The following XRN2 variants were observed in gnomAD, a reference collection of about 807,000 sequenced individuals.
The protein encoded by XRN2 is 5'-3' exoribonuclease 2.
Under a neutral mutation model 138.5 loss-of-function variants are expected in XRN2, and 44 were observed. The ratio of observed to expected loss-of-function variants is 0.32; its 90% confidence interval spans 0.25 to 0.41. XRN2 has a LOEUF of 0.41. XRN2 is among the 10% of genes least tolerant of loss of function. The pLI is 1.00. For missense variants in XRN2, 937 were observed against 1,169.3 expected (o/e 0.80, Z 2.90); for synonymous variants, 354 against 369.4 (o/e 0.96, Z 0.48).
chr20:21,314,263 A>T (rs1467474201), intron 1 of XRN2, among the ~76,000 whole-genome samples: 2 of 152,168 alleles, frequency 1.3e-5, no homozygotes, highest in Non-Finnish European at 2.9e-5. Flanking sequence ...ATGTCGCAGT[A>T]CTTTATTATT....
chr20:21,382,670 C>T (rs754602594), intron 28 of XRN2, among the ~76,000 whole-genome samples: 26 of 152,114 alleles, frequency 1.7e-4, no homozygotes, highest in Non-Finnish European at 3.7e-4. Context: ...CTAATAAGTA[C>T]CATGGACTAG....
intron 24 of XRN2, among the ~76,000 whole-genome samples, chr20:21,359,913 A>G (rs982425088): frequency 1.3e-4 from 19 of 151,954 alleles, no homozygotes; most frequent in East Asian, 1.2e-3. Flanking sequence ...AAATACATCT[A>G]GTATCCCATT....
chr20:21,333,900 C>T (rs761197249), intron 11 of XRN2, 37 bp from the exon 12 acceptor site: 6 of 1,613,972 alleles, frequency 3.7e-6, no homozygotes, highest in African/African-American at 1.3e-5. Context: ...ACTGTGCCTA[C>T]TGGTCCTAAT....
chr20:21,331,643 A>G lies in XRN2; in HGVS notation c.649+10A>G, dbSNP rs776912916. 4 of 1,609,218 alleles carry G rather than the reference A, an allele frequency of 2.5e-6. No homozygotes were observed. The highest frequency in any genetic ancestry group is 1.3e-5 in the African/African-American group (1 of 74,768). ...ATTAGAAGGCAAAGAGGTAAAGCTT[A>G]CTTACCAATATTTGATTATATGTTC... On this transcript the variant is annotated intron_variant, in intron 7 of 29. Coordinates refer to ENST00000377191, the MANE Select transcript of XRN2 (RefSeq NM_012255.5).
At chr20:21,320,378 CA>C (rs2038022550) in intron 1 of XRN2, among the ~76,000 whole-genome samples, 1 of 150,968 alleles carries the variant, frequency 6.6e-6, no homozygotes, top group Admixed American at 6.6e-5. Context: ...CGGCTTACTG[CA>C]AGCTCCACCT....
intron 1 of XRN2, among the ~76,000 whole-genome samples, chr20:21,321,627 C>G (rs1376744405): frequency 6.6e-6 from 1 of 152,160 alleles, no homozygotes; most frequent in Non-Finnish European, 1.5e-5. Context: ...TCTACTTTCA[C>G]TGTTCTTGAG....
chr20:21,325,431 A>G lies in XRN2; in HGVS notation c.76-848A>G, dbSNP rs2038111040. 3.3e-5 allele frequency among the ~76,000 whole-genome samples: 5 copies of G among 152,362 alleles called. No individual in the cohort carries two copies. The South Asian group carries it at 1.0e-3, about 32-fold the overall frequency. ...ACTGTAAAACAGTGGAAGTGCTACA[A>G]GTGAATAAGCAAAATTATGAGGAAA... On this transcript the variant is annotated intron_variant, in intron 1 of 29. Transcript: ENST00000377191.
At position 21,366,326 on chromosome 20, in the gene XRN2, T is replaced by A. The variant is rs112978507; in HGVS notation, c.2456+622T>A. Among the ~76,000 whole-genome samples, 6 of 148,038 alleles carry A rather than the reference T, an allele frequency of 4.1e-5. 1 individual carries two copies. Among genetic ancestry groups the A allele is most frequent in the African/African-American group, 1.5e-4 (6 of 40,402 alleles). On this transcript the variant is annotated intron_variant, in intron 26 of 29. Coordinates refer to ENST00000377191, the MANE Select transcript of XRN2 (RefSeq NM_012255.5). ...ACTTTGGGAGGCTGAGGCAGGCAGA[T>A]CATGAGATCAGGAGATCAAGACCAT...
Position 21,348,160 on chromosome 20 carries a change from G to T in XRN2, c.1680G>T (p.Trp560Cys). Residue 560 changes from tryptophan to cysteine, a missense_variant, in exon 18 of 30, where the codon TGG (tryptophan) becomes TGT (cysteine). Physicochemically the swap from Trp to Cys is radical, Grantham distance 215. This residue lies in a region of XRN2 where 471 missense variants were observed against 581.2 expected (regional missense o/e 0.81). Transcript: ENST00000377191. ...LRYYYQGCASWKWYYPFHYAP... is the reference protein window; with the variant it reads ...LRYYYQGCASCKWYYPFHYAP... Reference sequence around the variant, plus strand: ...AATGATTCTAGGGCTGTGCTTCCTGGAAGTGGTATTATCCATTTCATTATG... The same window carrying T: ...AATGATTCTAGGGCTGTGCTTCCTGTAAGTGGTATTATCCATTTCATTATG... The T allele has an allele frequency of 1.9e-6, 3 of 1,610,812 alleles. No individual in the cohort carries two copies. Among genetic ancestry groups the T allele is most frequent in the Non-Finnish European group, 2.5e-6 (3 of 1,179,210 alleles).
At chr20:21,313,694 C>A (rs910270593) in intron 1 of XRN2, among the ~76,000 whole-genome samples, 10 of 152,142 alleles carry the variant, frequency 6.6e-5, no homozygotes, top group African/African-American at 2.4e-4. Flanking sequence ...GGTAATACTG[C>A]GTTGTAGTGT....
Position 21,335,777 on chromosome 20 carries a change from G to C in XRN2, c.1233+1592G>C, listed in dbSNP as rs563213109. Among the ~76,000 whole-genome samples the C allele has an allele frequency of 2.0e-5, 3 of 152,320 alleles. No homozygotes were observed. The South Asian group carries it at 6.2e-4, about 32-fold the overall frequency. On this transcript the variant is annotated intron_variant, in intron 13 of 29. Coordinates refer to ENST00000377191, the MANE Select transcript of XRN2 (RefSeq NM_012255.5). The stretch of plus-strand genomic sequence containing the variant: ...GTCTCTTTAGCCGACTCTGCACCTT[G>C]AGTTGGCATTAGAGGAGGAAGTATG...
chr20:21,356,772 A>G (rs912095812), intron 23 of XRN2, 107 bp downstream of exon 23: 3 of 987,408 alleles, frequency 3.0e-6, no homozygotes, highest in Non-Finnish European at 4.4e-6. Context: ...AGAAAATTGT[A>G]TTTAAAATAA....
intron 28 of XRN2, among the ~76,000 whole-genome samples, chr20:21,384,235 C>T (rs928528362): frequency 2.6e-5 from 4 of 152,054 alleles, no homozygotes; most frequent in Admixed American, 6.5e-5. Context: ...TGTTTGGGTT[C>T]TTCTTGTCAA....
chr20:21,338,360 T>C (rs2038325474), intron 13 of XRN2, among the ~76,000 whole-genome samples: 1 of 152,088 alleles, frequency 6.6e-6, no homozygotes, highest in Non-Finnish European at 1.5e-5. Context: ...TGGCTACAAT[T>C]TGGAAATGAG....
chr20:21,349,701 C>T (rs758110554), intron 20 of XRN2, among the ~76,000 whole-genome samples: 2 of 151,996 alleles, frequency 1.3e-5, no homozygotes, highest in Non-Finnish European at 2.9e-5. Context: ...CACGATTGCA[C>T]CACTGCATTC....
chr20:21,340,895 T>C lies in XRN2; in HGVS notation c.1410+43T>C, dbSNP rs1169832733. 4.4e-6 allele frequency: 7 copies of C among 1,608,874 alleles called. No homozygotes were observed. The African/African-American group carries it at 9.4e-5, about 21-fold the overall frequency. Reference sequence around the variant, plus strand: ...ATGTGACATTTAAGAGTGGTGAATATCACATACCTCTTGCAGGGGTGGTGT... The same window carrying C: ...ATGTGACATTTAAGAGTGGTGAATACCACATACCTCTTGCAGGGGTGGTGT... On this transcript the variant is annotated intron_variant, in intron 15 of 29. Transcript: ENST00000377191.
intron 3 of XRN2, 97 bp from the exon 4 acceptor site, chr20:21,328,462 G>T: frequency 1.8e-6 from 2 of 1,137,846 alleles, no homozygotes; most frequent in Non-Finnish European, 2.5e-6. Context: ...TTCCATTTTA[G>T]TGTACTGCTT....
Position 21,303,818 on chromosome 20 carries a change from C to T in XRN2, c.75+345C>T, listed in dbSNP as rs570250262. Reference sequence around the variant, plus strand: ...CGCATTTTGGGTCTCGGAAGAGGTTCAGAGGCTGTTGTTGAGCAATGCATG... The same window carrying T: ...CGCATTTTGGGTCTCGGAAGAGGTTTAGAGGCTGTTGTTGAGCAATGCATG... On this transcript the variant is annotated intron_variant, in intron 1 of 29. Transcript: ENST00000377191. 3.8e-5 allele frequency: 41 copies of T among 1,065,974 alleles called. No homozygotes were observed. The South Asian group carries it at 9.2e-4, about 24-fold the overall frequency. 66.0% of individuals were successfully genotyped at this position (1,065,974 alleles called of 1,614,324 possible). A position where few individuals can be genotyped will look rare whatever the true frequency, so the allele number is the denominator to read the frequency against.
At chr20:21,384,232 GTTC>G (rs981170239) in intron 28 of XRN2, among the ~76,000 whole-genome samples, 6 of 152,102 alleles carry the variant, frequency 3.9e-5, no homozygotes, top group African/African-American at 1.4e-4. Context: ...CATTGTTTGG[GTTC>G]TTCTTGTCAA....
Sources: allele counts gnomAD v4.1 joint callset (sites outside exome capture counted in the v4.1 genomes callset), GRCh38; gene constraint gnomAD v4.1.1; regional missense constraint gnomAD v4.1.1; transcripts MANE v1.5; gene names NCBI Gene and HGNC (gene_info 2026-07-23, HGNC 2026-07-21).